Variants in USP32 observed in about 807,000 individuals in gnomAD.
The protein encoded by USP32 is ubiquitin specific peptidase 32.
USP32 carries 59 observed loss-of-function variants against 204.8 expected under a neutral mutation model. The observed-to-expected ratio is 0.29, with a 90% CI of 0.23 to 0.36. USP32 has a LOEUF of 0.36. USP32 is among the 10% of genes least tolerant of loss of function. The pLI is 1.00. For missense variants in USP32, 1,160 were observed against 1,946.4 expected, an observed-to-expected ratio of 0.60 and a Z score of 7.60; for synonymous variants, 517 against 678.4, an observed-to-expected ratio of 0.76 and a Z score of 3.70.
chr17:60,400,413 A>G (rs181847208), intron 1 of USP32, among the ~76,000 whole-genome samples: 1 of 152,296 alleles, frequency 6.6e-6, no homozygotes, highest in African/African-American at 2.4e-5. Context: ...GAGAGGTTAG[A>G]TCCCAGATAT....
At chr17:60,324,728 C>A (rs1047427631) in intron 2 of USP32, among the ~76,000 whole-genome samples, 1 of 152,166 alleles carries the variant, frequency 6.6e-6, no homozygotes, top group African/African-American at 2.4e-5. Flanking sequence ...ATAGGCCAGG[C>A]ATGGTGGCTC....
intron 7 of USP32, 146 bp downstream of exon 7, chr17:60,269,304 G>A: frequency 3.2e-6 from 2 of 626,894 alleles, no homozygotes; most frequent in Non-Finnish European, 5.4e-6. Context: ...AGTGACCTCA[G>A]TAAAACCCTA....
chr17:60,299,158 A>C (rs2087509835), intron 3 of USP32, among the ~76,000 whole-genome samples: 3 of 152,158 alleles, frequency 2.0e-5, no homozygotes, highest in Admixed American at 6.5e-5. Flanking sequence ...CCCTCCAAAA[A>C]CAAAAACAAA....
At chr17:60,404,366 GTT>G (rs924785030) in intron 1 of USP32, among the ~76,000 whole-genome samples, 1 of 151,558 alleles carries the variant, frequency 6.6e-6, no homozygotes, top group African/African-American at 2.4e-5. Context: ...CAAATAAAAA[GTT>G]TTTTTTTAAT....
intron 1 of USP32, among the ~76,000 whole-genome samples, chr17:60,419,817 AATTATTATT>A (rs113546748): frequency 0.1 from 14,389 of 138,554 alleles, 892 homozygotes; most frequent in African/African-American, 0.17. Context: ...GGTTAAAAAA[AATTATTATT>A]ATTATTATTA....
chr17:60,294,146 T>C (rs542659733), intron 4 of USP32, among the ~76,000 whole-genome samples: 1 of 152,158 alleles, frequency 6.6e-6, no homozygotes, highest in Non-Finnish European at 1.5e-5. Flanking sequence ...GCTCAAGAGA[T>C]CTTCTCACCT....
At chr17:60,289,614 T>G (rs980673368) in intron 4 of USP32, among the ~76,000 whole-genome samples, 1 of 152,232 alleles carries the variant, frequency 6.6e-6, no homozygotes, top group East Asian at 1.9e-4. Context: ...GAGAAAAGTA[T>G]CCAGGCTGAA....
intron 2 of USP32, among the ~76,000 whole-genome samples, chr17:60,318,230 C>T (rs1214760329): frequency 6.6e-6 from 1 of 152,126 alleles, no homozygotes; most frequent in Admixed American, 6.5e-5. Context: ...ACTGCAGTTT[C>T]CTTATAAACT....
chr17:60,187,474 G>A (rs943633571), intron 29 of USP32, among the ~76,000 whole-genome samples: 1 of 152,140 alleles, frequency 6.6e-6, no homozygotes, highest in Non-Finnish European at 1.5e-5. Context: ...AAAAGGAAAC[G>A]TGCTGCATCA....
chr17:60,355,697 T>C (rs1464979617), intron 1 of USP32, among the ~76,000 whole-genome samples: 3 of 151,226 alleles, frequency 2.0e-5, no homozygotes, highest in Non-Finnish European at 4.4e-5. Flanking sequence ...ACTACAAAAA[T>C]TGGTGGCACA....
intron 1 of USP32, among the ~76,000 whole-genome samples, chr17:60,390,232 G>A (rs1244675160): frequency 6.6e-6 from 1 of 152,194 alleles, no homozygotes; most frequent in Admixed American, 6.5e-5. Flanking sequence ...GCAGGCTAGA[G>A]CTGAATACAA....
intron 5 of USP32, among the ~76,000 whole-genome samples, chr17:60,275,571 A>G (rs1161429975): frequency 6.6e-6 from 1 of 152,224 alleles, no homozygotes; most frequent in Non-Finnish European, 1.5e-5. Context: ...GATAACAATT[A>G]GTACCAGACA....
chr17:60,417,030 G>T (rs1440570591), intron 1 of USP32, among the ~76,000 whole-genome samples: 2 of 150,268 alleles, frequency 1.3e-5, no homozygotes, highest in East Asian at 2.0e-4. Flanking sequence ...CCATTCTCCT[G>T]CCTCAGCCTC....
chr17:60,251,751 C>G (rs2086174984), intron 11 of USP32, among the ~76,000 whole-genome samples: 1 of 151,858 alleles, frequency 6.6e-6, no homozygotes, highest in South Asian at 2.1e-4. Context: ...AATCCTTAAG[C>G]CAAGACATAG....
chr17:60,307,595 A>T (rs2145909040), intron 2 of USP32, among the ~76,000 whole-genome samples: 1 of 152,154 alleles, frequency 6.6e-6, no homozygotes, highest in East Asian at 1.9e-4. Flanking sequence ...ATACTACCTG[A>T]CTTCAAACTT....
intron 9 of USP32, chr17:60,258,044 G>A (rs746399035): frequency 1.9e-5 from 3 of 158,378 alleles, no homozygotes; most frequent in Admixed American, 6.6e-5. Context: ...AAGAAAAAAG[G>A]GAGCAAGCAG....
At chr17:60,326,298 T>C (rs752758404) in intron 2 of USP32, among the ~76,000 whole-genome samples, 5 of 151,412 alleles carry the variant, frequency 3.3e-5, no homozygotes, top group Non-Finnish European at 7.4e-5. Flanking sequence ...TTTGACACCA[T>C]GGTTTGTTTT....
intron 5 of USP32, among the ~76,000 whole-genome samples, chr17:60,283,559 T>C (rs1488352967): frequency 6.6e-6 from 1 of 152,080 alleles, no homozygotes; most frequent in Non-Finnish European, 1.5e-5. Flanking sequence ...TTAAGATGGA[T>C]AGAATCTAAT....
intron 27 of USP32, among the ~76,000 whole-genome samples, chr17:60,194,215 T>C (rs571984920): frequency 2.8e-4 from 43 of 152,236 alleles, no homozygotes; most frequent in Non-Finnish European, 5.4e-4. Context: ...GGCTAATTTT[T>C]ACATTTTTTG....
Sources: gnomAD v4.1 joint callset for allele counts (sites outside exome capture counted in the v4.1 genomes callset) on GRCh38, gnomAD v4.1.1 for gene constraint, MANE v1.5 for transcripts, NCBI Gene and HGNC (gene_info 2026-07-23, HGNC 2026-07-21) for gene names.